RBM20: variants seen among roughly 807,000 people sequenced by gnomAD.
The protein encoded by RBM20 is RNA-binding protein 20.
A neutral mutation model predicts 110.1 loss-of-function variants in RBM20; 51 were observed. The observed-to-expected ratio is 0.46, with a 90% CI of 0.37 to 0.59. The LOEUF (loss-of-function observed/expected upper bound fraction) is 0.59. Ranked by LOEUF, RBM20 falls within the 20% of genes least tolerant of loss-of-function variation. The pLI, the probability that RBM20 is intolerant of heterozygous loss-of-function variation, is 0.00. For missense variants in RBM20, 1,512 were observed against 1,574.9 expected, an observed-to-expected ratio of 0.96 and a Z score of 0.68; for synonymous variants, 589 against 618.2, an observed-to-expected ratio of 0.95 and a Z score of 0.70.
At chr10:110,684,987 G>T (rs1411209234) in intron 1 of RBM20, among the ~76,000 whole-genome samples, 1 of 152,200 alleles carries the variant, frequency 6.6e-6, no homozygotes, top group Non-Finnish European at 1.5e-5. Context: ...CTTGAGAAGT[G>T]AATCTGTTTG....
At chr10:110,686,000 C>T (rs1862499368) in intron 1 of RBM20, among the ~76,000 whole-genome samples, 3 of 152,150 alleles carry the variant, frequency 2.0e-5, no homozygotes, top group Non-Finnish European at 1.5e-5. Flanking sequence ...GGATGGGGAT[C>T]AGTTTAAATG....
chr10:110,654,317 C>G (rs918437405), intron 1 of RBM20, among the ~76,000 whole-genome samples: 1 of 152,212 alleles, frequency 6.6e-6, no homozygotes, highest in Non-Finnish European at 1.5e-5. Flanking sequence ...TCTAGAGCCT[C>G]TGGATTTTTC....
intron 1 of RBM20, among the ~76,000 whole-genome samples, chr10:110,649,970 G>T (rs1435600278): frequency 2.0e-5 from 3 of 152,190 alleles, no homozygotes; most frequent in African/African-American, 7.2e-5. Context: ...ATGTGAATTT[G>T]GTTTGCAACA....
chr10:110,732,220 C>T (rs1039544960), intron 1 of RBM20, among the ~76,000 whole-genome samples: 5 of 152,272 alleles, frequency 3.3e-5, no homozygotes, highest in Middle Eastern at 3.4e-3. Context: ...GTCATCTCCA[C>T]TTTTTTCTAT....
chr10:110,679,586 C>T (rs1270863499), intron 1 of RBM20, among the ~76,000 whole-genome samples: 2 of 152,188 alleles, frequency 1.3e-5, no homozygotes, highest in Non-Finnish European at 2.9e-5. Flanking sequence ...ATCATGTAAG[C>T]CCCTATGTTT....
chr10:110,706,107 C>T (rs1375204106), intron 1 of RBM20, among the ~76,000 whole-genome samples: 2 of 151,770 alleles, frequency 1.3e-5, no homozygotes, highest in Non-Finnish European at 1.5e-5. Flanking sequence ...AATAAAAGAA[C>T]TGCTGATGCA....
intron 1 of RBM20, among the ~76,000 whole-genome samples, chr10:110,672,298 C>T (rs747320788): frequency 3.3e-5 from 5 of 152,200 alleles, no homozygotes; most frequent in East Asian, 3.9e-4. Flanking sequence ...ATGGCTCCCT[C>T]GGCTTTCCCC....
chr10:110,719,047 G>A (rs1843471849), intron 1 of RBM20, among the ~76,000 whole-genome samples: 1 of 152,228 alleles, frequency 6.6e-6, no homozygotes, highest in African/African-American at 2.4e-5. Context: ...GTTTGTGTTT[G>A]TTTTCCTACA....
chr10:110,792,503 C>T (rs570133158), intron 5 of RBM20, among the ~76,000 whole-genome samples: 1 of 152,270 alleles, frequency 6.6e-6, no homozygotes, highest in East Asian at 1.9e-4. Context: ...TTTATTACCC[C>T]TGTTTTACAG....
At chr10:110,767,868 C>G (rs965168172) in intron 1 of RBM20, among the ~76,000 whole-genome samples, 4 of 152,220 alleles carry the variant, frequency 2.6e-5, no homozygotes, top group African/African-American at 4.8e-5. Flanking sequence ...CAGAGGGGCT[C>G]CTCACGTCCC....
intron 7 of RBM20, among the ~76,000 whole-genome samples, chr10:110,801,190 A>T (rs753540911): frequency 3.9e-5 from 6 of 152,258 alleles, no homozygotes; most frequent in Non-Finnish European, 7.4e-5. Context: ...GCACTTTGGG[A>T]GACCAAGGTG....
Position 110,739,893 on chromosome 10 carries a change from A to G in RBM20, c.192-40908A>G, listed in dbSNP as rs1843707880. On this transcript the variant is annotated intron_variant, in intron 1 of 13. Transcript: ENST00000369519. The surrounding 1 kb of genome is among the most constrained non-coding windows in gnomAD (Gnocchi z 4.1). Reference sequence around the variant, plus strand: ...CACAAGCAGTGAGGAAGCCACTCCCAGCGGCCCTGCCCGTCTGGGTCCTCC... The same window carrying G: ...CACAAGCAGTGAGGAAGCCACTCCCGGCGGCCCTGCCCGTCTGGGTCCTCC... Among the ~76,000 whole-genome samples, 1 of 152,222 alleles carries G rather than the reference A, an allele frequency of 6.6e-6. No homozygotes were observed.
intron 12 of RBM20, 143 bp from the exon 13 acceptor site, chr10:110,830,918 A>G: frequency 1.4e-6 from 1 of 737,152 alleles, no homozygotes; most frequent in South Asian, 2.1e-5. Flanking sequence ...TGAGGCTTGG[A>G]GAAGCTCAGT....
rs1396066255 is a variant in RBM20 at position 110,831,171 on chromosome 10, A to G, written c.3562A>G (p.Arg1188Gly). The change falls in exon 13 of 14, where the codon AGG (arginine) becomes GGG (glycine). Residue 1188 changes from arginine (R) to glycine (G), a missense_variant. Arg to Gly is a moderately radical substitution (Grantham distance 125). This residue lies in a region of RBM20 where 358 missense variants were observed against 384.2 expected (regional missense o/e 0.93). Transcript: ENST00000369519. ...CCACTGCCGCAGCGCTGTCCACTAC[A>G]GGAACTTACAGGTAAAAATCCACTC... Reference protein sequence around the residue: ...MSHCRSAVHYRNLQKYLSQLA... With the variant: ...MSHCRSAVHYGNLQKYLSQLA... 3 of 1,551,194 alleles carry G rather than the reference A, an allele frequency of 1.9e-6. No individual in the cohort carries two copies. The highest frequency in any genetic ancestry group is 2.7e-5 in the African/African-American group (2 of 73,174).
chr10:110,672,079 G>A (rs1158883485), intron 1 of RBM20, among the ~76,000 whole-genome samples: 2 of 152,086 alleles, frequency 1.3e-5, no homozygotes, highest in South Asian at 2.1e-4. Context: ...TATCTTGTCC[G>A]ATGACGGCTC....
chr10:110,820,215 G>A, intron 10 of RBM20, 39 bp downstream of exon 10: 1 of 1,417,690 alleles, frequency 7.1e-7, no homozygotes. Flanking sequence ...TGCCATGAGG[G>A]ACTGAGTCAC....
rs539267769 is a variant in RBM20, at chr10:110,736,650, T to C, written c.192-44151T>C. Among the ~76,000 whole-genome samples the C allele has an allele frequency of 1.6e-4, 15 of 91,270 alleles. No homozygotes were observed. In the South Asian group the frequency reaches 4.2e-3, roughly 26 times the overall value. 59.9% of individuals were successfully genotyped at this position (91,270 alleles called of 152,430 possible). On this transcript the variant is annotated intron_variant, in intron 1 of 13. Transcript: ENST00000369519. Reference sequence around the variant, plus strand: ...ATGCCTGGAGCAGTGGAGGCTGTGCTCTGGCTCTGCCAAACACCCTGTGGG... The same window carrying C: ...ATGCCTGGAGCAGTGGAGGCTGTGCCCTGGCTCTGCCAAACACCCTGTGGG...
At chr10:110,716,629 T>C (rs971919898) in intron 1 of RBM20, among the ~76,000 whole-genome samples, 6 of 152,034 alleles carry the variant, frequency 3.9e-5, no homozygotes, top group Admixed American at 3.3e-4. Context: ...GTAAAAGAAT[T>C]ATGGCTGGGC....
At chr10:110,727,887 T>C (rs1210687089) in intron 1 of RBM20, among the ~76,000 whole-genome samples, 3 of 152,166 alleles carry the variant, frequency 2.0e-5, no homozygotes, top group Non-Finnish European at 2.9e-5. Context: ...CACTTATGAG[T>C]GAGAACATGT....
Sources: gnomAD v4.1 joint callset for allele counts (sites outside exome capture counted in the v4.1 genomes callset) on GRCh38, gnomAD v4.1.1 for gene constraint, gnomAD v4.1.1 regional missense constraint, Gnocchi (gnomAD v3.1) non-coding constraint, MANE v1.5 for transcripts, NCBI Gene and HGNC (gene_info 2026-07-23, HGNC 2026-07-21) for gene names.